Variants in TAFA1 observed in about 807,000 individuals in gnomAD.
TAFA1 encodes chemokine-like protein TAFA-1.
In TAFA1, 4 loss-of-function variants were observed where a neutral mutation model predicts 18.5. The ratio of observed to expected loss-of-function variants is 0.22; its 90% confidence interval spans 0.11 to 0.49. The LOEUF (loss-of-function observed/expected upper bound fraction) is 0.49. Among genes scored for constraint, TAFA1 ranks in the 20% least tolerant of loss-of-function variants. The pLI, the probability that TAFA1 is intolerant of heterozygous loss-of-function variation, is 0.98. For missense variants in TAFA1, 147 were observed against 169.0 expected (o/e 0.87, Z 0.72); for synonymous variants, 56 against 55.2 (o/e 1.01, Z -0.06).
At chr3:68,002,336 G>C (rs1704292396), upstream of TAFA1, among the ~76,000 whole-genome samples, 1 of 152,178 alleles carries the variant, frequency 6.6e-6, no homozygotes, top group Non-Finnish European at 1.5e-5. Context: ...TGTCAGCAAT[G>C]CCTATCTGAA....
chr3:68,384,739 T>A (rs262190), intron 2 of TAFA1, among the ~76,000 whole-genome samples: 76,055 of 151,834 alleles, frequency 0.5, 19,657 homozygotes, highest in East Asian at 0.76. Context: ...TCTACCTCAA[T>A]AATCTATCTA....
At chr3:68,479,267 T>C (rs917707961) in intron 3 of TAFA1, among the ~76,000 whole-genome samples, 8 of 148,920 alleles carry the variant, frequency 5.4e-5, no homozygotes, top group Non-Finnish European at 7.4e-5. Context: ...TATATATGTC[T>C]GTACCCTATA....
chr3:68,039,103 C>T (rs1461772862), intron 2 of TAFA1, among the ~76,000 whole-genome samples: 1 of 152,138 alleles, frequency 6.6e-6, no homozygotes, highest in Admixed American at 6.6e-5. Flanking sequence ...CTGCTGGTCC[C>T]CATATCAGCA....
intron 2 of TAFA1, among the ~76,000 whole-genome samples, chr3:68,182,344 G>T (rs2066214348): frequency 6.6e-6 from 1 of 152,162 alleles, no homozygotes; most frequent in Non-Finnish European, 1.5e-5. Context: ...AAGCCCCAGT[G>T]TTGTACTGTG....
chr3:68,262,169 T>C (rs1264783523), intron 2 of TAFA1, among the ~76,000 whole-genome samples: 4 of 151,174 alleles, frequency 2.6e-5, no homozygotes, highest in Non-Finnish European at 5.9e-5. Flanking sequence ...TGTTTCCATT[T>C]GCTAGATAAT....
At chr3:68,250,758 G>A (rs561223029) in intron 2 of TAFA1, 1 of 151,000 alleles carries the variant, frequency 6.6e-6, no homozygotes, top group African/African-American at 2.4e-5. Flanking sequence ...AAGCCTAAAT[G>A]ATCTTTTAGT....
At chr3:68,426,042 A>G (rs2071045584) in intron 3 of TAFA1, among the ~76,000 whole-genome samples, 1 of 52,726 alleles carries the variant, frequency 1.9e-5, no homozygotes, top group East Asian at 1.1e-3. Flanking sequence ...ATTTTGAATG[A>G]ATTATTTTTT....
intron 2 of TAFA1, among the ~76,000 whole-genome samples, chr3:68,096,345 G>A (rs2065086565): frequency 6.6e-6 from 1 of 151,942 alleles, no homozygotes; most frequent in African/African-American, 2.4e-5. Context: ...GGACACTTAG[G>A]TTATTCCATA....
chr3:68,377,589 A>T (rs551590983), intron 2 of TAFA1, among the ~76,000 whole-genome samples: 6 of 152,288 alleles, frequency 3.9e-5, no homozygotes, highest in African/African-American at 1.4e-4. Flanking sequence ...CTTGGTAGAA[A>T]TTGAAGCTAG....
At chr3:68,402,801 A>G (rs1413954953) in intron 2 of TAFA1, among the ~76,000 whole-genome samples, 1 of 152,192 alleles carries the variant, frequency 6.6e-6, no homozygotes, top group Non-Finnish European at 1.5e-5. Context: ...TTCTGCACGG[A>G]AGACATGGAT....
intron 2 of TAFA1, among the ~76,000 whole-genome samples, chr3:68,413,634 A>G (rs538248468): frequency 2.0e-4 from 30 of 152,314 alleles, no homozygotes; most frequent in African/African-American, 7.2e-4. Context: ...ATTGTTGAAT[A>G]CATAAAACAA....
chr3:68,524,362 A>T (rs2073073494), intron 3 of TAFA1, among the ~76,000 whole-genome samples: 1 of 152,126 alleles, frequency 6.6e-6, no homozygotes, highest in Admixed American at 6.5e-5. Flanking sequence ...CCAAACCCAG[A>T]TAGAAGGGCT....
At chr3:68,049,750 C>G (rs568969549) in intron 2 of TAFA1, among the ~76,000 whole-genome samples, 1 of 152,014 alleles carries the variant, frequency 6.6e-6, no homozygotes, top group African/African-American at 2.4e-5. Flanking sequence ...TGACTGCCAT[C>G]ATAACAGAAG....
intron 2 of TAFA1, chr3:68,145,509 C>A: frequency 2.9e-6 from 3 of 1,018,106 alleles, no homozygotes; most frequent in Non-Finnish European, 4.7e-6. Context: ...AAGCCAGTTG[C>A]AGGGGCCCTG....
intron 3 of TAFA1, among the ~76,000 whole-genome samples, chr3:68,445,816 A>G (rs1229260994): frequency 6.6e-6 from 1 of 152,170 alleles, no homozygotes; most frequent in African/African-American, 2.4e-5. Context: ...CATTCTGAGA[A>G]CCACAGCCTA....
intron 2 of TAFA1, among the ~76,000 whole-genome samples, chr3:68,168,073 G>A (rs1479129269): frequency 6.9e-6 from 1 of 144,688 alleles, no homozygotes; most frequent in African/African-American, 2.5e-5. Context: ...ATTTTTAGGG[G>A]CCACTGATAA....
intron 2 of TAFA1, among the ~76,000 whole-genome samples, chr3:68,140,063 T>G (rs1312647863): frequency 1.3e-5 from 2 of 152,174 alleles, no homozygotes; most frequent in African/African-American, 4.8e-5. Context: ...TTCGTTGTGC[T>G]CAGTTTCACT....
intron 2 of TAFA1, among the ~76,000 whole-genome samples, chr3:68,256,872 C>A (rs867696556): frequency 6.6e-6 from 1 of 152,232 alleles, no homozygotes; most frequent in South Asian, 2.1e-4. Context: ...ACAATAGTCA[C>A]ATCCCTGGGA....
intron 3 of TAFA1, among the ~76,000 whole-genome samples, chr3:68,437,420 G>T (rs1159639903): frequency 6.6e-6 from 1 of 152,062 alleles, no homozygotes; most frequent in Non-Finnish European, 1.5e-5. Flanking sequence ...TCTGCATCTG[G>T]TTAATTTATA....
Sources: allele counts gnomAD v4.1 joint callset (sites outside exome capture counted in the v4.1 genomes callset), GRCh38; gene constraint gnomAD v4.1.1; transcripts MANE v1.5; gene names NCBI Gene and HGNC (gene_info 2026-07-23, HGNC 2026-07-21).